The following CTNNA2 variants were observed in gnomAD, a reference collection of about 807,000 sequenced individuals.
The protein encoded by CTNNA2 is catenin alpha 2.
Under a neutral mutation model 101.0 loss-of-function variants are expected in CTNNA2, and 42 were observed. The observed-to-expected ratio is 0.42, with a 90% CI of 0.32 to 0.54. The LOEUF (loss-of-function observed/expected upper bound fraction) is 0.54. Ranked by LOEUF, CTNNA2 falls within the 20% of genes least tolerant of loss-of-function variation. CTNNA2 has a pLI of 0.14. For synonymous variants in CTNNA2, 450 were observed against 456.4 expected (o/e 0.99, Z 0.18); for missense variants, 871 against 1,223.1 (o/e 0.71, Z 4.29).
chr2:79,209,820 C>T (rs947654738), intron 2 of CTNNA2, among the ~76,000 whole-genome samples: 2 of 54,606 alleles, frequency 3.7e-5, no homozygotes, highest in Non-Finnish European at 6.4e-5. Flanking sequence ...TCACCCAGCT[C>T]AGGCCTAAAA....
intron 4 of CTNNA2, among the ~76,000 whole-genome samples, chr2:79,478,819 T>C (rs895570542): frequency 2.6e-5 from 4 of 152,164 alleles, no homozygotes; most frequent in Non-Finnish European, 5.9e-5. Flanking sequence ...TGTAGTATAA[T>C]ACCCAACTGG....
chr2:80,110,560 A>T (rs767778850), intron 7 of CTNNA2, among the ~76,000 whole-genome samples: 13 of 152,220 alleles, frequency 8.5e-5, no homozygotes, highest in African/African-American at 3.1e-4. Flanking sequence ...AGAGCAGTTC[A>T]TGGGTCATCA....
intron 9 of CTNNA2, among the ~76,000 whole-genome samples, chr2:80,473,846 G>C (rs1004271336): frequency 6.6e-6 from 1 of 152,176 alleles, no homozygotes; most frequent in African/African-American, 2.4e-5. Flanking sequence ...ACAGATGTGT[G>C]TTTGTTTTTT....
At chr2:79,789,793 G>A (rs780234729) in intron 3 of CTNNA2, among the ~76,000 whole-genome samples, 3 of 152,012 alleles carry the variant, frequency 2.0e-5, no homozygotes, top group Non-Finnish European at 2.9e-5. Flanking sequence ...GATGGTGAGA[G>A]GAGAGTCAAG....
intron 2 of CTNNA2, among the ~76,000 whole-genome samples, chr2:79,252,382 C>G (rs1449868834): frequency 6.6e-6 from 1 of 151,654 alleles, no homozygotes; most frequent in Non-Finnish European, 1.5e-5. Context: ...ATGCTTGGAT[C>G]TTTTTCCCAT....
rs188699255 is a variant in CTNNA2 at position 80,580,183 on chromosome 2, G to A, written c.1894-1523G>A. Among the ~76,000 whole-genome samples the A allele has an allele frequency of 3.8e-3, 586 of 152,298 alleles. 4 individuals carry two copies. The highest frequency in any genetic ancestry group is 0.013 in the African/African-American group (560 of 41,578). ...ATCATACGAGTGTTAAGAAACCTGC[G>A]TGAGTTAGTGCCTGTAAAGCACTTA... is the stretch of plus-strand genomic sequence containing the variant. On this transcript the variant is annotated intron_variant, in intron 13 of 18. Transcript: ENST00000402739.
chr2:79,997,843 T>C (rs1402023466), intron 7 of CTNNA2, among the ~76,000 whole-genome samples: 1 of 152,182 alleles, frequency 6.6e-6, no homozygotes, highest in Non-Finnish European at 1.5e-5. Flanking sequence ...ATCCAATGAC[T>C]AATTCATGGC....
chr2:80,077,494 A>ATC (rs1462527600), intron 7 of CTNNA2, among the ~76,000 whole-genome samples: 1 of 151,988 alleles, frequency 6.6e-6, no homozygotes, highest in Non-Finnish European at 1.5e-5. Flanking sequence ...CACACCTTTA[A>ATC]TCCCAGCACT....
chr2:79,586,592 A>G (rs1238018052), intron 1 of CTNNA2, among the ~76,000 whole-genome samples: 1 of 150,250 alleles, frequency 6.7e-6, no homozygotes, highest in Non-Finnish European at 1.5e-5. Context: ...TTATTTTTAA[A>G]CCATTCACAT....
chr2:80,223,038 G>C (rs1368093705), intron 7 of CTNNA2, among the ~76,000 whole-genome samples: 3 of 152,106 alleles, frequency 2.0e-5, no homozygotes, highest in Non-Finnish European at 4.4e-5. Context: ...TACTCATGCA[G>C]CTCTCCATAA....
chr2:79,782,158 T>C (rs966883791), intron 3 of CTNNA2, among the ~76,000 whole-genome samples: 1 of 152,180 alleles, frequency 6.6e-6, no homozygotes, highest in East Asian at 1.9e-4. Context: ...TTTAATTTTA[T>C]ATATAAAATG....
chr2:80,438,083 C>T (rs1682200530), intron 9 of CTNNA2, among the ~76,000 whole-genome samples: 1 of 152,198 alleles, frequency 6.6e-6, no homozygotes, highest in South Asian at 2.1e-4. Flanking sequence ...TCTCATGGCT[C>T]TGGAAACAAG....
chr2:79,482,354 T>A (rs1219093125), intron 4 of CTNNA2, among the ~76,000 whole-genome samples: 3 of 152,178 alleles, frequency 2.0e-5, no homozygotes, highest in Admixed American at 6.6e-5. Context: ...GGGTGCTTTC[T>A]CCTGACCCCA....
At chr2:80,518,662 C>CCATAAAA (rs1689288671) in intron 9 of CTNNA2, among the ~76,000 whole-genome samples, 2 of 151,928 alleles carry the variant, frequency 1.3e-5, no homozygotes, top group Non-Finnish European at 2.9e-5. Context: ...GTTGTATATA[C>CCATAAAA]CATAAAAACA....
chr2:79,372,412 A>G (rs1677892823), intron 3 of CTNNA2, among the ~76,000 whole-genome samples: 1 of 152,198 alleles, frequency 6.6e-6, no homozygotes, highest in East Asian at 1.9e-4. Context: ...AAACGTGTCC[A>G]GGTCTTCTCC....
chr2:80,498,528 G>C lies in CTNNA2; in HGVS notation c.1291-46454G>C, dbSNP rs1055695660. Among the ~76,000 whole-genome samples, 4 of 152,242 alleles carry C rather than the reference G, an allele frequency of 2.6e-5. No homozygotes were observed. In the East Asian group the frequency reaches 5.8e-4, roughly 22 times the overall value. ...ATGTACATTCTAAAGGGCCCTTTCA[G>C]CATATTGCTTATTTAGAGTGAATAC... On this transcript the variant is annotated intron_variant, in intron 9 of 18. Transcript: ENST00000402739.
intron 7 of CTNNA2, among the ~76,000 whole-genome samples, chr2:80,031,566 C>T (rs1322038141): frequency 1.3e-5 from 2 of 152,196 alleles, no homozygotes; most frequent in African/African-American, 4.8e-5. Flanking sequence ...AGTTACCTCC[C>T]AGTGGCTCCC....
chr2:79,788,154 A>G (rs866301099), intron 3 of CTNNA2, among the ~76,000 whole-genome samples: 2 of 152,140 alleles, frequency 1.3e-5, no homozygotes, highest in African/African-American at 4.8e-5. Flanking sequence ...TCTGTTAGGC[A>G]TTGGTGAACT....
At chr2:79,465,082 G>A (rs563253495) in intron 4 of CTNNA2, among the ~76,000 whole-genome samples, 6 of 152,286 alleles carry the variant, frequency 3.9e-5, no homozygotes, top group African/African-American at 7.2e-5. Flanking sequence ...GAATGGTATT[G>A]CCTAGGTTTT....
Sources: allele counts gnomAD v4.1 joint callset (sites outside exome capture counted in the v4.1 genomes callset), GRCh38; gene constraint gnomAD v4.1.1; transcripts MANE v1.5; gene names NCBI Gene and HGNC (gene_info 2026-07-23, HGNC 2026-07-21).